The following SLC7A2 variants were observed in gnomAD, a reference collection of about 807,000 sequenced individuals.
SLC7A2 encodes solute carrier family 7 member 2.
In SLC7A2, 48 loss-of-function variants were observed where a neutral mutation model predicts 58.9. The ratio of observed to expected loss-of-function variants is 0.82; its 90% CI spans 0.65 to 1.04. The LOEUF is 1.04. SLC7A2 is among the 50% of genes least tolerant of loss of function. The pLI is 0.00. For missense variants in SLC7A2, 1,029 were observed against 818.8 expected, an observed-to-expected ratio of 1.26 and a Z score of -3.13; for synonymous variants, 363 against 314.5, an observed-to-expected ratio of 1.15 and a Z score of -1.63.
At chr8:17,547,367 G>T (rs1189079107) in intron 4 of SLC7A2, among the ~76,000 whole-genome samples, 1 of 152,098 alleles carries the variant, frequency 6.6e-6, no homozygotes, top group East Asian at 1.9e-4. Context: ...CCATGATTCA[G>T]TTACCTCCCA....
intron 9 of SLC7A2, 119 bp from the exon 10 acceptor site, chr8:17,560,209 T>C: frequency 1.4e-6 from 1 of 714,342 alleles, no homozygotes. Flanking sequence ...GTCATAAGTG[T>C]TGATTTACTC....
intron 2 of SLC7A2, among the ~76,000 whole-genome samples, chr8:17,508,799 C>G (rs558232450): frequency 1.3e-5 from 2 of 151,934 alleles, no homozygotes; most frequent in African/African-American, 4.8e-5. Flanking sequence ...TTTATCTCAC[C>G]GAACCACTAG....
chr8:17,514,512 T>C (rs1426004811), intron 2 of SLC7A2, among the ~76,000 whole-genome samples: 1 of 152,188 alleles, frequency 6.6e-6, no homozygotes, highest in African/African-American at 2.4e-5. Context: ...ACAGCAGCCG[T>C]TGGTGGAGGT....
chr8:17,548,304 G>C (rs946728894), intron 4 of SLC7A2, among the ~76,000 whole-genome samples: 4 of 152,172 alleles, frequency 2.6e-5, no homozygotes, highest in Non-Finnish European at 5.9e-5. Flanking sequence ...TCATACCACT[G>C]CACTTCTGCC....
At chr8:17,539,069 C>A (rs1801798535) in intron 2 of SLC7A2, 3 of 688,586 alleles carry the variant, frequency 4.4e-6, no homozygotes, top group Non-Finnish European at 7.4e-6. Context: ...AATCCAGGAT[C>A]AACTTGTGAC....
rs565639701 is a variant in SLC7A2, at chr8:17,547,850, G to A, written c.533-828G>A. 1.2e-4 allele frequency among the ~76,000 whole-genome samples: 18 copies of A among 149,312 alleles called. No individual in the cohort carries two copies. In the East Asian group the frequency reaches 1.8e-3, roughly 15 times the overall value. ...TACAAAATTTGGGAGGGAAAAGCACGGTTGATCTTTTTATATTTTTTTCTG... is the reference window on the plus strand; with the variant it reads ...TACAAAATTTGGGAGGGAAAAGCACAGTTGATCTTTTTATATTTTTTTCTG... On this transcript the variant is annotated intron_variant, in intron 4 of 12. Coordinates refer to ENST00000494857, the MANE Select transcript of SLC7A2 (RefSeq NM_001370338.1).
chr8:17,550,571 C>A, intron 6 of SLC7A2, 137 bp downstream of exon 6: 1 of 701,944 alleles, frequency 1.4e-6, no homozygotes, highest in Non-Finnish European at 2.3e-6. Flanking sequence ...CCAGCTGTGA[C>A]ACGTGCTGCT....
At chr8:17,518,641 A>AAAC (rs33941952) in intron 2 of SLC7A2, among the ~76,000 whole-genome samples, 2 of 151,986 alleles carry the variant, frequency 1.3e-5, no homozygotes, top group Non-Finnish European at 2.9e-5. Context: ...CCATTAGCAA[A>AAAC]AGACAAACAA....
At chr8:17,545,554 CA>C in intron 4 of SLC7A2, among the ~76,000 whole-genome samples, 1 of 151,694 alleles carries the variant, frequency 6.6e-6, no homozygotes, top group South Asian at 2.1e-4. Context: ...CGCGCCACCG[CA>C]CCTGGCTGAT....
chr8:17,544,800 A>G (rs1802088153), intron 4 of SLC7A2, among the ~76,000 whole-genome samples, 194 bp downstream of exon 4: 1 of 152,210 alleles, frequency 6.6e-6, no homozygotes, highest in Admixed American at 6.5e-5. Context: ...ATTGTGTGCA[A>G]TGGTAAAAAT....
intron 2 of SLC7A2, among the ~76,000 whole-genome samples, chr8:17,542,327 C>T (rs908703059): frequency 2.0e-5 from 3 of 152,128 alleles, no homozygotes; most frequent in African/African-American, 7.2e-5. Context: ...TACACATATT[C>T]CCAGCACAAT....
chr8:17,529,376 A>T (rs182567254), intron 2 of SLC7A2, among the ~76,000 whole-genome samples: 2 of 135,294 alleles, frequency 1.5e-5, no homozygotes, highest in Admixed American at 1.5e-4. Flanking sequence ...GCGAAATACT[A>T]TTTAGAAGTG....
chr8:17,540,438 C>A (rs6983122), intron 2 of SLC7A2, among the ~76,000 whole-genome samples: 34,055 of 151,826 alleles, frequency 0.22, 3,918 homozygotes, highest in African/African-American at 0.25. Flanking sequence ...ACCTGACTAC[C>A]CATAAAATAC....
chr8:17,549,583 G>A (rs1211620419), intron 5 of SLC7A2, among the ~76,000 whole-genome samples: 1 of 152,112 alleles, frequency 6.6e-6, no homozygotes, highest in Non-Finnish European at 1.5e-5. Flanking sequence ...CTTCCTTCAG[G>A]ACCACCATTC....
intron 1 of SLC7A2, chr8:17,500,473 G>A (rs1030614255): frequency 6.6e-6 from 1 of 152,140 alleles, no homozygotes; most frequent in African/African-American, 2.4e-5. Flanking sequence ...AGAAGTTCAA[G>A]ACCAGCCTGG....
chr8:17,569,308 G>A lies in SLC7A2; in HGVS notation c.*4162G>A, dbSNP rs1324189802. 1.3e-5 allele frequency: 2 copies of A among 152,154 alleles called. No individual in the cohort carries two copies. The highest frequency in any genetic ancestry group is 3.9e-4 in the East Asian group (2 of 5,188). 9.4% of individuals were successfully genotyped at this position (152,154 alleles called of 1,614,324 possible). A position where few individuals can be genotyped will look rare whatever the true frequency, so the allele number is the denominator to read the frequency against. ...GGATTGAGTTTAGCATGTATATCAT[G>A]CGTTATTAAAGTTCACGTGATTCAT... is the stretch of plus-strand genomic sequence containing the variant. On this transcript the variant is annotated 3_prime_UTR_variant, in exon 13 of 13. Coordinates refer to ENST00000494857, the MANE Select transcript of SLC7A2 (RefSeq NM_001370338.1).
upstream of SLC7A2, among the ~76,000 whole-genome samples, chr8:17,496,702 T>C (rs964634760): frequency 5.3e-5 from 8 of 152,226 alleles, no homozygotes; most frequent in African/African-American, 1.9e-4. Flanking sequence ...TATTTTCTTA[T>C]TTCCAAAATC....
At chr8:17,520,776 G>C (rs1475077198) in intron 2 of SLC7A2, 1 of 886,464 alleles carries the variant, frequency 1.1e-6, no homozygotes, top group Non-Finnish European at 1.4e-6. Flanking sequence ...TCTGTAAGTA[G>C]AGATGAGCTT....
At chr8:17,530,585 T>C (rs1801408609) in intron 2 of SLC7A2, among the ~76,000 whole-genome samples, 1 of 151,888 alleles carries the variant, frequency 6.6e-6, no homozygotes, top group South Asian at 2.1e-4. Context: ...TTTTTTTTTT[T>C]TTTTTGAGAC....
Sources: allele counts gnomAD v4.1 joint callset (sites outside exome capture counted in the v4.1 genomes callset), GRCh38; gene constraint gnomAD v4.1.1; transcripts MANE v1.5; gene names NCBI Gene and HGNC (gene_info 2026-07-23, HGNC 2026-07-21).